Variants in PPP1R9A observed in about 807,000 individuals in gnomAD.
PPP1R9A encodes neurabin-1.
A neutral mutation model predicts 141.9 loss-of-function variants in PPP1R9A; 59 were observed. The ratio of observed to expected loss-of-function variants is 0.42; its 90% CI spans 0.34 to 0.52. PPP1R9A has a LOEUF of 0.52. Among genes scored for constraint, PPP1R9A ranks in the 20% least tolerant of loss-of-function variants. The probability of loss-of-function intolerance (pLI) is 0.10; values close to 1 mark genes in which losing one functional copy is unlikely to be tolerated. For synonymous variants in PPP1R9A, 500 were observed against 569.7 expected, an observed-to-expected ratio of 0.88 and a Z score of 1.74; for missense variants, 1,444 against 1,611.9, an observed-to-expected ratio of 0.90 and a Z score of 1.78.
rs566302438 is a variant in PPP1R9A, at chr7:95,118,820, A to C, written c.1529-1892A>C. Among the ~76,000 whole-genome samples, 1,311 of 150,660 alleles carry C rather than the reference A, an allele frequency of 8.7e-3. 15 individuals carry two copies. The highest frequency in any genetic ancestry group is 0.03 in the African/African-American group (1,252 of 41,090). ...ACCCTGTCTGTACAAAAAAAAAAAA[A>C]AAAACACAAAAAATTACCCAGATGT... On this transcript the variant is annotated intron_variant, in intron 3 of 19. Coordinates refer to ENST00000433360, the MANE Select transcript of PPP1R9A (RefSeq NM_001166160.2).
chr7:94,913,226 C>T (rs996087942), intron 2 of PPP1R9A, among the ~76,000 whole-genome samples: 29 of 152,118 alleles, frequency 1.9e-4, no homozygotes, highest in African/African-American at 6.8e-4. Flanking sequence ...CAAAACATAA[C>T]TGTGCACTAG....
intron 17 of PPP1R9A, among the ~76,000 whole-genome samples, chr7:95,285,800 T>TCTAATATGAATTGCCATCTGTTC (rs1805202915): frequency 2.0e-5 from 3 of 152,234 alleles, no homozygotes; most frequent in Admixed American, 6.5e-5. Flanking sequence ...TAGCTACCTT[T>TCTAATATGAATTGCCATCTGTTC]CTAATATGAA....
intron 2 of PPP1R9A, among the ~76,000 whole-genome samples, chr7:94,973,519 GAAT>G (rs1563067543): frequency 1.3e-5 from 2 of 152,100 alleles, no homozygotes; most frequent in Non-Finnish European, 2.9e-5. Flanking sequence ...AGACTAAAAT[GAAT>G]ATAGTAAGTG....
chr7:95,228,307 T>G (rs1302970611), intron 8 of PPP1R9A, among the ~76,000 whole-genome samples: 1 of 152,194 alleles, frequency 6.6e-6, no homozygotes, highest in Non-Finnish European at 1.5e-5. Flanking sequence ...CTTTGTACAA[T>G]TCTTGGCATA....
intron 4 of PPP1R9A, among the ~76,000 whole-genome samples, chr7:95,138,261 A>C (rs537385838): frequency 1.2e-4 from 18 of 152,302 alleles, no homozygotes; most frequent in Non-Finnish European, 1.5e-5. Flanking sequence ...TACCATGATA[A>C]TTCCATTGGA....
intron 2 of PPP1R9A, among the ~76,000 whole-genome samples, chr7:94,942,355 C>G (rs1795419374): frequency 6.6e-6 from 1 of 152,154 alleles, no homozygotes; most frequent in African/African-American, 2.4e-5. Flanking sequence ...TAAGTCAACC[C>G]TATCAATGAA....
At position 95,036,022 on chromosome 7, in the gene PPP1R9A, T is replaced by A. The variant is rs973839131; in HGVS notation, c.1396-75237T>A. ...AAAAATAAGTAATGCAGTTGTGATATTCTGCAGTATACTTCGGCTCTCTTA... is the reference window on the plus strand; with the variant it reads ...AAAAATAAGTAATGCAGTTGTGATAATCTGCAGTATACTTCGGCTCTCTTA... On this transcript the variant is annotated intron_variant, in intron 2 of 19. Transcript: ENST00000433360. 4 of 152,344 alleles carry A rather than the reference T, an allele frequency of 2.6e-5. No homozygotes were observed. The East Asian group carries it at 7.7e-4, about 29-fold the overall frequency. The allele number at this position is 152,344 out of a possible 1,614,324, so 9.4% of individuals were successfully genotyped here. A position where few individuals can be genotyped will look rare whatever the true frequency, so the allele number is the denominator to read the frequency against.
intron 2 of PPP1R9A, among the ~76,000 whole-genome samples, chr7:95,068,188 G>A (rs965254558): frequency 5.3e-5 from 8 of 152,092 alleles, no homozygotes; most frequent in Admixed American, 1.3e-4. Context: ...AGTGACATTC[G>A]GCCAGGCGTG....
chr7:95,114,891 C>CAA (rs200443706), intron 3 of PPP1R9A, among the ~76,000 whole-genome samples: 5 of 112,388 alleles, frequency 4.4e-5, no homozygotes, highest in African/African-American at 1.3e-4. Flanking sequence ...AAGTCCGTCT[C>CAA]AAAAAAAAAA....
chr7:95,220,988 T>G (rs1390317326), intron 7 of PPP1R9A, among the ~76,000 whole-genome samples: 2 of 151,992 alleles, frequency 1.3e-5, no homozygotes, highest in African/African-American at 4.8e-5. Context: ...CAGGTATATA[T>G]AGAGGAAAGG....
At chr7:95,143,138 T>C (rs966921594) in intron 4 of PPP1R9A, among the ~76,000 whole-genome samples, 1 of 152,172 alleles carries the variant, frequency 6.6e-6, no homozygotes, top group African/African-American at 2.4e-5. Context: ...TTGTATTTTA[T>C]ATAGCTGCCC....
chr7:95,273,564 T>C (rs1014936353), intron 14 of PPP1R9A, among the ~76,000 whole-genome samples: 5 of 152,134 alleles, frequency 3.3e-5, no homozygotes, highest in African/African-American at 9.7e-5. Flanking sequence ...AGCCAAGAAT[T>C]TGGAGCCAGA....
rs758584079 is a variant in PPP1R9A, at chr7:95,269,484, A to G, written c.3101A>G (p.Asn1034Ser). Residue 1034 changes from asparagine to serine, a missense_variant, in exon 14 of 20, where the codon AAC becomes AGC. Asn to Ser is a conservative substitution (Grantham distance 46). Around this residue, in one of 5 missense-constraint regions of PPP1R9A, gnomAD observed 459 missense variants for 513.8 expected, o/e 0.89. Transcript: ENST00000433360. ...TCTCCTTGCCATCACCAAACCACCA[A>G]CAAGAAAATATTACGAGAAAAAGGT... ...EESPCHHQTT[N>S]KKILREKDDA... 2.6e-5 allele frequency: 41 copies of G among 1,578,648 alleles called. No individual in the cohort carries two copies. The highest frequency in any genetic ancestry group is 1.4e-4 in the Admixed American group (8 of 59,252).
intron 5 of PPP1R9A, among the ~76,000 whole-genome samples, chr7:95,195,786 C>T (rs1416062024): frequency 2.0e-5 from 3 of 152,098 alleles, no homozygotes; most frequent in Admixed American, 1.3e-4. Context: ...TGCAGTGGCT[C>T]ATGCCTGTAA....
chr7:95,004,630 A>T (rs1046343546), intron 2 of PPP1R9A, among the ~76,000 whole-genome samples: 2 of 152,202 alleles, frequency 1.3e-5, no homozygotes, highest in African/African-American at 4.8e-5. Context: ...TAGAGGGCTA[A>T]TCCAGAGTAC....
At chr7:95,072,936 TTATA>T (rs1217803634) in intron 2 of PPP1R9A, among the ~76,000 whole-genome samples, 1 of 127,800 alleles carries the variant, frequency 7.8e-6, no homozygotes, top group African/African-American at 3.0e-5. Flanking sequence ...TGCATATATA[TTATA>T]TATATTATAT....
rs771122346 is a variant in PPP1R9A, at chr7:95,290,172, C to A, written c.3994C>A (p.Arg1332=). The A allele has an allele frequency of 6.2e-7, 1 of 1,613,788 alleles. No individual in the cohort carries two copies. Among genetic ancestry groups the A allele is most frequent in the South Asian group, 1.1e-5 (1 of 91,038 alleles). Reference sequence around the variant, plus strand: ...AATGAAGATGTCTCTAGAGAAGGCTCGGAAGGCCCAAGAGAAAATGGAAAA... The same window carrying A: ...AATGAAGATGTCTCTAGAGAAGGCTAGGAAGGCCCAAGAGAAAATGGAAAA... ...KEMKMSLEKA[R]KAQEKMEKQR... is the part of the protein sequence containing the mutation. The change falls in exon 20 of 20, where the codon CGG becomes AGG. Residue 1332 remains arginine, a synonymous_variant. Coordinates refer to ENST00000433360, the MANE Select transcript of PPP1R9A (RefSeq NM_001166160.2).
Position 95,258,593 on chromosome 7 carries a change from G to A in PPP1R9A, c.2665+6463G>A, listed in dbSNP as rs141139195. ...AAAGAGAAACCGAAAGTTGAAGAGG[G>A]TATTTGTAGCACGTATAACTAAGAA... On this transcript the variant is annotated intron_variant, in intron 12 of 19. Transcript: ENST00000433360. Among the ~76,000 whole-genome samples, 421 of 152,120 alleles carry A rather than the reference G, an allele frequency of 2.8e-3. 2 individuals carry two copies. The highest frequency in any genetic ancestry group is 8.7e-3 in the African/African-American group (360 of 41,492).
intron 2 of PPP1R9A, among the ~76,000 whole-genome samples, chr7:95,063,120 G>C (rs1353153092): frequency 6.6e-6 from 1 of 152,218 alleles, no homozygotes; most frequent in South Asian, 2.1e-4. Context: ...TGGGCTGTAA[G>C]TCTGAGAGGA....
Sources: gnomAD v4.1 joint callset for allele counts (sites outside exome capture counted in the v4.1 genomes callset) on GRCh38, gnomAD v4.1.1 for gene constraint, gnomAD v4.1.1 regional missense constraint, MANE v1.5 for transcripts, NCBI Gene and HGNC (gene_info 2026-07-23, HGNC 2026-07-21) for gene names.